Variants in TTC9B observed in about 807,000 individuals in gnomAD.
TTC9B encodes tetratricopeptide repeat domain 9B.
In TTC9B, 12 loss-of-function variants were observed where a neutral mutation model predicts 19.4. That is an observed-to-expected ratio of 0.62 (90% CI 0.40 to 1.00). TTC9B has a LOEUF of 1.00. Among genes scored for constraint, TTC9B ranks in the 50% least tolerant of loss-of-function variants. The pLI is 0.00. For synonymous variants in TTC9B, 156 were observed against 158.6 expected, an observed-to-expected ratio of 0.98 and a Z score of 0.12; for missense variants, 316 against 345.2, an observed-to-expected ratio of 0.92 and a Z score of 0.67.
Position 40,218,192 on chromosome 19 carries a change from C to T in TTC9B, c.190G>A (p.Ala64Thr). The T allele has an allele frequency of 6.3e-7, 1 of 1,575,016 alleles. No homozygotes were observed. The change falls in exon 1 of 3, where the codon GCC becomes ACC. Residue 64 changes from alanine to threonine, a missense_variant. Transcript: ENST00000311308. The surrounding 1 kb of genome is among the most constrained non-coding windows in gnomAD (Gnocchi z 4.2). ...CCCTCTGCCTTGAACGCCACGGCGG[C>T]ACGCAGGCTGCTGTCGAGCGCCGCG... ...LGAALDSSLR[A>T]AVAFKAEGQR... is the part of the protein sequence containing the mutation.
In TTC9B at chr19:40,218,260, G is replaced by A; in HGVS notation, c.122C>T (p.Ser41Leu). ...SGPGSGSRHG[S>L]ARPGPTPEPS... The stretch of plus-strand genomic sequence containing the variant: ...CTCTGGGGTAGGACCGGGACGAGCC[G>A]AGCCATGGCGGGAGCCCGAGCCTGG... The change falls in exon 1 of 3, where the codon TCG becomes TTG. Residue 41 changes from serine to leucine, a missense_variant. Ser to Leu is a moderately radical substitution (Grantham distance 145). Coordinates refer to ENST00000311308, the MANE Select transcript of TTC9B (RefSeq NM_152479.6). This position sits in a 1 kb window ranked among gnomAD's most constrained non-coding sequence, Gnocchi z 4.2. 4 of 1,488,892 alleles carry A rather than the reference G, an allele frequency of 2.7e-6. No homozygotes were observed. The highest frequency in any genetic ancestry group is 1.5e-5 in the African/African-American group (1 of 68,654). The allele number at this position is 1,488,892 out of a possible 1,614,324, so 92.2% of individuals were successfully genotyped here.
rs774688608 is a variant in TTC9B, at chr19:40,216,168, C to T, written c.715G>A (p.Gly239Ser). Residue 239 changes from glycine (G) to serine (S), a missense_variant, in exon 3 of 3, where the codon GGC (glycine) becomes AGC (serine). Physicochemically the swap from Gly to Ser is moderately conservative, Grantham distance 56. Transcript: ENST00000311308. ...GAGSQTRDVIG is the reference protein window; with the variant it reads ...GAGSQTRDVIS ...GAGGTCCCCCTGGATTGGCCTCAGC[C>T]AATTACATCCCGAGTCTGGGACCCA... 1 of 1,614,110 alleles carries T rather than the reference C, an allele frequency of 6.2e-7. No individual in the cohort carries two copies. The highest frequency in any genetic ancestry group is 2.2e-5 in the East Asian group (1 of 44,882).
Position 40,217,248 on chromosome 19 carries a change from G to A in TTC9B, c.549C>T (p.His183=), listed in dbSNP as rs1189344293. 4.3e-6 allele frequency: 7 copies of A among 1,613,918 alleles called. No homozygotes were observed. Among genetic ancestry groups the A allele is most frequent in the African/African-American group, 1.3e-5 (1 of 74,950 alleles). The change falls in exon 2 of 3, where the codon CAC becomes CAT. Residue 183 remains histidine (H), a synonymous_variant. Transcript: ENST00000311308. ...GCAGCGCGCGTGCGTAGTCGCCCAG[G>A]TGGTAGAAGGCAATGCCGGCACGGT... ...ATYRAGIAFY[H]LGDYARALRY...
intron 1 of TTC9B, chr19:40,217,583 C>T: frequency 1.6e-6 from 1 of 628,528 alleles, no homozygotes; most frequent in East Asian, 2.8e-5. Context: ...GGGCGATCCA[C>T]CCAGAGCTGT....
intron 2 of TTC9B, 68 bp from the exon 3 acceptor site, chr19:40,216,340 G>C: frequency 6.8e-6 from 8 of 1,182,726 alleles, no homozygotes; most frequent in Non-Finnish European, 1.0e-5. Context: ...ACACCTCCCT[G>C]GCTCACACCC....
chr19:40,217,925 G>GGC, intron 1 of TTC9B, 30 bp downstream of exon 1: 21 of 1,285,308 alleles, frequency 1.6e-5, no homozygotes, highest in Non-Finnish European at 1.9e-5. Context: ...CTCCCCTCGT[G>GGC]CCCCATCCCC....
In TTC9B at chr19:40,217,333, C is replaced by G; in HGVS notation, c.464G>C (p.Arg155Pro). Residue 155 changes from arginine (R) to proline (P), a missense_variant, in exon 2 of 3, where the codon CGC (arginine) becomes CCC (proline). Coordinates refer to ENST00000311308, the MANE Select transcript of TTC9B (RefSeq NM_152479.6). Reference sequence around the variant, plus strand: ...TACCTTGAGACAGTACTCGCGCACGCGCTCGTAGTTTACCAGCTCCGACTG... The same window carrying G: ...TACCTTGAGACAGTACTCGCGCACGGGCTCGTAGTTTACCAGCTCCGACTG... Reference protein sequence around the residue: ...LLQSELVNYERVREYCLKVLE... With the variant: ...LLQSELVNYEPVREYCLKVLE... The G allele has an allele frequency of 6.2e-7, 1 of 1,613,868 alleles. No homozygotes were observed. Among genetic ancestry groups the G allele is most frequent in the Non-Finnish European group, 8.5e-7 (1 of 1,179,880 alleles).
chr19:40,218,345 T>A lies in TTC9B; in HGVS notation c.37A>T (p.Ser13Cys). Residue 13 changes from serine (S) to cysteine (C), a missense_variant, in exon 1 of 3, where the codon AGC becomes TGC. Transcript: ENST00000311308. The surrounding 1 kb of genome is among the most constrained non-coding windows in gnomAD (Gnocchi z 4.2). The part of the protein sequence containing the change: ...RGALSPVLML[S>C]AAPEPPPRPP... Reference sequence around the variant, plus strand: ...CGCGGCGGAGGCTCCGGGGCAGCGCTGAGCATCAGCACCGGGGACAGCGCG... The same window carrying A: ...CGCGGCGGAGGCTCCGGGGCAGCGCAGAGCATCAGCACCGGGGACAGCGCG... 1 of 1,350,280 alleles carries A rather than the reference T, an allele frequency of 7.4e-7. No individual in the cohort carries two copies. The highest frequency in any genetic ancestry group is 9.4e-7 in the Non-Finnish European group (1 of 1,058,962). The allele number at this position is 1,350,280 out of a possible 1,614,324, so 83.6% of individuals were successfully genotyped here. A position where few individuals can be genotyped will look rare whatever the true frequency, so the allele number is the denominator to read the frequency against.
At chr19:40,217,839 C>G in intron 1 of TTC9B, 116 bp downstream of exon 1, 1 of 969,436 alleles carries the variant, frequency 1.0e-6, no homozygotes, top group Non-Finnish European at 1.4e-6. Context: ...GAAGGCTCCC[C>G]CAGAAGCCCA....
chr19:40,216,309 C>G, intron 2 of TTC9B, 37 bp from the exon 3 acceptor site: 2 of 1,566,426 alleles, frequency 1.3e-6, no homozygotes, highest in Non-Finnish European at 1.8e-6. Context: ...TCTGGGTGTC[C>G]CGGGGCAGCA....
Position 40,217,950 on chromosome 19 carries a change from C to A in TTC9B, c.427+5G>T. 2.7e-6 allele frequency: 4 copies of A among 1,465,858 alleles called. No homozygotes were observed. Among genetic ancestry groups the A allele is most frequent in the African/African-American group, 1.5e-5 (1 of 66,368 alleles). The allele number at this position is 1,465,858 out of a possible 1,614,324, so 90.8% of individuals were successfully genotyped here. On this transcript the variant is annotated splice_donor_5th_base_variant and intron_variant, in intron 1 of 2. Coordinates refer to ENST00000311308, the MANE Select transcript of TTC9B (RefSeq NM_152479.6). ...GCCCCATCCCCCCACCCCCCGACGG[C>A]GTACCCGTGAGGGAGTCGTAACACT...
intron 2 of TTC9B, chr19:40,216,820 G>C (rs1459757081): frequency 2.4e-6 from 1 of 409,700 alleles, no homozygotes; most frequent in South Asian, 3.2e-5. Flanking sequence ...GGTGAGTGGA[G>C]GAATGAGTGT....
At chr19:40,217,028 C>A in intron 2 of TTC9B, 159 bp downstream of exon 2, 1 of 719,738 alleles carries the variant, frequency 1.4e-6, no homozygotes, top group South Asian at 1.9e-5. Context: ...GATGAGTGGG[C>A]GTGTAGGGAG....
intron 1 of TTC9B, 81 bp from the exon 2 acceptor site, chr19:40,217,450 A>G (rs1231939409): frequency 1.3e-5 from 20 of 1,513,716 alleles, no homozygotes; most frequent in Non-Finnish European, 1.7e-5. Flanking sequence ...CCGAGGCTCC[A>G]GGCGGCAGGG....
intron 2 of TTC9B, chr19:40,216,854 G>A: frequency 2.1e-6 from 1 of 476,076 alleles, no homozygotes; most frequent in Non-Finnish European, 3.8e-6. Flanking sequence ...GGGTGGGACG[G>A]GGTAATGGAG....
In TTC9B at chr19:40,218,183, C is replaced by T; in HGVS notation, c.199G>A (p.Ala67Thr). The change falls in exon 1 of 3, where the codon GCG becomes ACG. Residue 67 changes from alanine to threonine, a missense_variant. Transcript: ENST00000311308. The surrounding 1 kb of genome is among the most constrained non-coding windows in gnomAD (Gnocchi z 4.2). Reference sequence around the variant, plus strand: ...CAGCGCTGGCCCTCTGCCTTGAACGCCACGGCGGCACGCAGGCTGCTGTCG... The same window carrying T: ...CAGCGCTGGCCCTCTGCCTTGAACGTCACGGCGGCACGCAGGCTGCTGTCG... ...ALDSSLRAAVAFKAEGQRCYR... is the reference protein window; with the variant it reads ...ALDSSLRAAVTFKAEGQRCYR... 6.3e-7 allele frequency: 1 copy of T among 1,576,162 alleles called. No homozygotes were observed. The highest frequency in any genetic ancestry group is 1.8e-4 in the Middle Eastern group (1 of 5,538).
chr19:40,218,285 GGCCCGA>G lies in TTC9B; in HGVS notation c.91_96del (p.Ser31_Gly32del). The G allele has an allele frequency of 7.0e-7, 1 of 1,435,252 alleles. No individual in the cohort carries two copies. Among genetic ancestry groups the G allele is most frequent in the Non-Finnish European group, 9.1e-7 (1 of 1,100,708 alleles). The allele number at this position is 1,435,252 out of a possible 1,614,324, so 88.9% of individuals were successfully genotyped here. A position where few individuals can be genotyped will look rare whatever the true frequency, so the allele number is the denominator to read the frequency against. On this transcript the variant is annotated inframe_deletion, in exon 1 of 3. Coordinates refer to ENST00000311308, the MANE Select transcript of TTC9B (RefSeq NM_152479.6). This position sits in a 1 kb window ranked among gnomAD's most constrained non-coding sequence, Gnocchi z 4.2. ...GAGCCATGGCGGGAGCCCGAGCCTG[GGCCCGA>G]GCCCGGTGGGGAGAGGGCGGGAGGC...
chr19:40,216,897 A>C, intron 2 of TTC9B: 1 of 541,420 alleles, frequency 1.8e-6, no homozygotes, highest in Non-Finnish European at 3.3e-6. Context: ...GTGACTGAGC[A>C]GGTGAATAGG....
rs1453382551 is a variant in TTC9B, at chr19:40,217,442, G to A, written c.428-73C>T. 3.3e-6 allele frequency: 5 copies of A among 1,531,528 alleles called. No individual in the cohort carries two copies. The East Asian group carries it at 9.2e-5, about 28-fold the overall frequency. The allele number at this position is 1,531,528 out of a possible 1,614,324, so 94.9% of individuals were successfully genotyped here. A position where few individuals can be genotyped will look rare whatever the true frequency, so the allele number is the denominator to read the frequency against. On this transcript the variant is annotated intron_variant, in intron 1 of 2. Transcript: ENST00000311308. ...AGAACCCACCTGACTGCGAGGAGCCGAGGCTCCAGGCGGCAGGGAACCAGG... is the reference window on the plus strand; with the variant it reads ...AGAACCCACCTGACTGCGAGGAGCCAAGGCTCCAGGCGGCAGGGAACCAGG...
Sources: gnomAD v4.1 joint callset for allele counts on GRCh38, gnomAD v4.1.1 for gene constraint, Gnocchi (gnomAD v3.1) non-coding constraint, MANE v1.5 for transcripts, NCBI Gene and HGNC (gene_info 2026-07-23, HGNC 2026-07-21) for gene names.